ZC3H12B: variants seen among roughly 807,000 people sequenced by gnomAD.
ZC3H12B encodes the protein zinc finger CCCH-type containing 12B, also known as probable ribonuclease ZC3H12B.
Under a neutral mutation model 43.9 loss-of-function variants are expected in ZC3H12B, and 7 were observed. That is an observed-to-expected ratio of 0.16 (90% CI 0.09 to 0.30). ZC3H12B has a LOEUF of 0.30. ZC3H12B is among the 10% of genes least tolerant of loss of function. The probability of loss-of-function intolerance (pLI) is 1.00; values close to 1 mark genes in which losing one functional copy is unlikely to be tolerated. For synonymous variants in ZC3H12B, 222 were observed against 241.7 expected, an observed-to-expected ratio of 0.92 and a Z score of 0.76; for missense variants, 475 against 670.2, an observed-to-expected ratio of 0.71 and a Z score of 3.22.
At chrX:65,126,913 T>C in the ZC3H12B span, among the ~76,000 whole-genome samples, 1 of 110,177 alleles carries the variant, frequency 9.1e-6, no homozygotes, top group African/African-American at 3.3e-5. Context: ...ATATTTTGTG[T>C]AATGCTTTTA....
intron 2 of ZC3H12B, among the ~76,000 whole-genome samples, chrX:65,374,066 C>T (rs1489856835): frequency 1.9e-5 from 1 of 53,756 alleles, no homozygotes; most frequent in African/African-American, 1.3e-4. Context: ...TATATATATA[C>T]AGTATATATA....
the ZC3H12B span, among the ~76,000 whole-genome samples, chrX:65,287,039 G>A: frequency 9.9e-5 from 11 of 111,009 alleles, no homozygotes; most frequent in African/African-American, 3.0e-4. Context: ...GATTCATAAA[G>A]CAAATGTTAC....
At chrX:65,406,587 C>CGGGGATGGGA (rs1569396794) in intron 3 of ZC3H12B, among the ~76,000 whole-genome samples, 1 of 11,825 alleles carries the variant, frequency 8.5e-5, no homozygotes, top group Non-Finnish European at 1.5e-4. Flanking sequence ...CGGGGCTGGG[C>CGGGGATGGGA]GGGGCTGGGC....
intron 3 of ZC3H12B, among the ~76,000 whole-genome samples, chrX:65,450,961 A>G (rs1234575201): frequency 9.8e-6 from 1 of 102,350 alleles, no homozygotes; most frequent in South Asian, 4.3e-4. Flanking sequence ...GTGAAAAGCA[A>G]TAGTATTAAT....
At chrX:65,378,150 C>A (rs1431198979) in intron 2 of ZC3H12B, among the ~76,000 whole-genome samples, 2 of 110,109 alleles carry the variant, frequency 1.8e-5, no homozygotes, top group Non-Finnish European at 3.8e-5. Flanking sequence ...TAATAATAAG[C>A]ACAAAGGAAA....
chrX:65,134,333 G>A, the ZC3H12B span, among the ~76,000 whole-genome samples: 1 of 111,146 alleles, frequency 9.0e-6, no homozygotes, highest in South Asian at 3.9e-4. Context: ...CCAATGGAGT[G>A]TGGGTGAAGA....
At chrX:65,469,632 T>TG (rs2067879146) in intron 3 of ZC3H12B, 1 of 194,407 alleles carries the variant, frequency 5.1e-6, no homozygotes, top group Non-Finnish European at 9.7e-6. Flanking sequence ...GGATTGACTC[T>TG]GTCCTTGGGA....
chrX:65,499,203 G>A (rs1160280338), exon 3 of ZC3H12B: 1 of 1,207,217 alleles, frequency 8.3e-7, no homozygotes, highest in Non-Finnish European at 1.1e-6. Context: ...ATAGAGGAGC[G>A]GTTGCTGATG....
chrX:65,341,720 C>T, the ZC3H12B span, among the ~76,000 whole-genome samples: 3 of 109,602 alleles, frequency 2.7e-5, no homozygotes, highest in South Asian at 7.7e-4. Flanking sequence ...GCACTAAATA[C>T]GGAAAGGAAA....
chrX:65,463,767 A>G (rs1166459251), intron 3 of ZC3H12B, among the ~76,000 whole-genome samples: 1 of 110,323 alleles, frequency 9.1e-6, no homozygotes, highest in Admixed American at 9.7e-5. Context: ...GTTTCTTATC[A>G]CCACTCTAAG....
the ZC3H12B span, among the ~76,000 whole-genome samples, chrX:65,160,481 T>A: frequency 8.9e-6 from 1 of 111,929 alleles, no homozygotes; most frequent in Admixed American, 9.5e-5. Context: ...CTTTGTGGTT[T>A]AGTCTTGGGA....
At chrX:65,073,608 C>T in the ZC3H12B span, among the ~76,000 whole-genome samples, 1 of 112,099 alleles carries the variant, frequency 8.9e-6, no homozygotes, top group East Asian at 2.8e-4. Flanking sequence ...AGGAAGATGG[C>T]CATCCATGGC....
rs191703623 is a variant in ZC3H12B, at chrX:65,459,117, G to T, written n.408-29529G>T. The stretch of plus-strand genomic sequence containing the variant: ...TAAAGCAGAAAATCTAGAAGAAATG[G>T]ATAAATTCCTCGACACATACACTCT... On this transcript the variant is annotated intron_variant and non_coding_transcript_variant, in intron 3 of 5. Transcript: ENST00000617377. Among the ~76,000 whole-genome samples, 24 of 112,019 alleles carry T rather than the reference G, an allele frequency of 2.1e-4. 1 individual carries two copies. In the East Asian group the frequency reaches 5.3e-3, roughly 25 times the overall value.
chrX:65,219,976 C>G, the ZC3H12B span, among the ~76,000 whole-genome samples: 1 of 111,112 alleles, frequency 9.0e-6, no homozygotes, highest in African/African-American at 3.3e-5. Context: ...ATAAACTATA[C>G]AGAAAAACCT....
the ZC3H12B span, among the ~76,000 whole-genome samples, chrX:65,330,059 A>G: frequency 9.0e-6 from 1 of 111,539 alleles, no homozygotes; most frequent in Non-Finnish European, 1.9e-5. Flanking sequence ...TATGAACTTT[A>G]AAGTAGTTTT....
the ZC3H12B span, among the ~76,000 whole-genome samples, chrX:65,229,023 GA>G: frequency 1.8e-5 from 2 of 110,843 alleles, no homozygotes; most frequent in Non-Finnish European, 3.8e-5. Context: ...CACAGAATTG[GA>G]AAAAACTACT....
At chrX:65,041,375 GC>G in the ZC3H12B span, among the ~76,000 whole-genome samples, 1 of 111,696 alleles carries the variant, frequency 9.0e-6, no homozygotes, top group African/African-American at 3.3e-5. Flanking sequence ...CAGCATTGGA[GC>G]TTTTTTACTG....
the ZC3H12B span, among the ~76,000 whole-genome samples, chrX:65,301,127 C>T: frequency 9.0e-6 from 1 of 110,787 alleles, no homozygotes; most frequent in African/African-American, 3.3e-5. Context: ...ATCAAAACCA[C>T]AATGCAATAC....
the ZC3H12B span, among the ~76,000 whole-genome samples, chrX:65,044,701 T>C: frequency 1.8e-5 from 2 of 111,324 alleles, no homozygotes; most frequent in Non-Finnish European, 3.8e-5. Flanking sequence ...TATGAAGATA[T>C]AGACACACAC....
Sources: allele counts gnomAD v4.1 joint callset (sites outside exome capture counted in the v4.1 genomes callset), GRCh38; gene constraint gnomAD v4.1.1; transcripts MANE v1.5; gene names NCBI Gene and HGNC (gene_info 2026-07-23, HGNC 2026-07-21).